The following ROBO2 variants were observed in gnomAD, a reference collection of about 807,000 sequenced individuals.
The protein encoded by ROBO2 is roundabout homolog 2.
Under a neutral mutation model 160.8 loss-of-function variants are expected in ROBO2, and 53 were observed. The observed-to-expected ratio is 0.33, with a 90% CI of 0.26 to 0.41. The LOEUF is 0.41. ROBO2 is among the 10% of genes least tolerant of loss of function. ROBO2 has a pLI of 1.00. For missense variants in ROBO2, 1,577 were observed against 1,722.4 expected (o/e 0.92, Z 1.49); for synonymous variants, 664 against 611.7 (o/e 1.09, Z -1.26).
intron 2 of ROBO2, among the ~76,000 whole-genome samples, chr3:76,596,538 T>C (rs1311963579): frequency 6.6e-6 from 1 of 152,088 alleles, no homozygotes; most frequent in African/African-American, 2.4e-5. Context: ...GAGCCCTAGT[T>C]CCCTCATTTG....
At chr3:76,403,331 G>C (rs1317104879) in intron 2 of ROBO2, among the ~76,000 whole-genome samples, 1 of 151,588 alleles carries the variant, frequency 6.6e-6, no homozygotes, top group Non-Finnish European at 1.5e-5. Context: ...GTATTTTACA[G>C]ATATCTGTCA....
chr3:76,739,884 C>T (rs1390764146), intron 2 of ROBO2, among the ~76,000 whole-genome samples: 9 of 152,114 alleles, frequency 5.9e-5, no homozygotes, highest in Non-Finnish European at 1.3e-4. Flanking sequence ...GAATAATACA[C>T]TTTATGTAGA....
chr3:76,408,885 T>G (rs1342543712), intron 2 of ROBO2, among the ~76,000 whole-genome samples: 1 of 152,026 alleles, frequency 6.6e-6, no homozygotes, highest in Non-Finnish European at 1.5e-5. Context: ...CCTCTTCCCC[T>G]TGCCCACTGA....
chr3:76,436,197 T>C (rs1023048557), intron 2 of ROBO2, among the ~76,000 whole-genome samples: 5 of 48,424 alleles, frequency 1.0e-4, no homozygotes, highest in Admixed American at 2.2e-4. Context: ...CTTTTTCTTT[T>C]TTTTTATTTT....
At chr3:76,685,803 A>G (rs2092673362) in intron 2 of ROBO2, among the ~76,000 whole-genome samples, 1 of 152,176 alleles carries the variant, frequency 6.6e-6, no homozygotes, top group Non-Finnish European at 1.5e-5. Flanking sequence ...ATGAATATTA[A>G]TGTGCATCGA....
At chr3:76,089,975 G>A (rs1032218343) in intron 2 of ROBO2, among the ~76,000 whole-genome samples, 2 of 152,004 alleles carry the variant, frequency 1.3e-5, no homozygotes, top group African/African-American at 2.4e-5. Flanking sequence ...TTATAGAAAG[G>A]TATCAGAATA....
intron 2 of ROBO2, among the ~76,000 whole-genome samples, chr3:76,939,782 T>TA (rs1245485280): frequency 1.3e-5 from 2 of 151,948 alleles, no homozygotes; most frequent in African/African-American, 2.4e-5. Context: ...AGATTCTATC[T>TA]AAAAAAATAA....
intron 2 of ROBO2, among the ~76,000 whole-genome samples, chr3:76,913,318 G>T (rs575486121): frequency 6.6e-6 from 1 of 152,048 alleles, no homozygotes; most frequent in East Asian, 1.9e-4. Flanking sequence ...AGGGAGTCAC[G>T]CTCTCCCTAC....
At chr3:76,249,189 T>C (rs970250774) in intron 2 of ROBO2, among the ~76,000 whole-genome samples, 3 of 152,092 alleles carry the variant, frequency 2.0e-5, no homozygotes, top group Admixed American at 6.6e-5. Flanking sequence ...AAAGCAAAGC[T>C]AAATGAGTTA....
chr3:76,798,961 A>G (rs1385724077), intron 2 of ROBO2, among the ~76,000 whole-genome samples: 1 of 151,940 alleles, frequency 6.6e-6, no homozygotes, highest in East Asian at 1.9e-4. Context: ...AATAAAAACC[A>G]TATACAACTT....
At chr3:76,193,730 C>T (rs762533707) in intron 2 of ROBO2, among the ~76,000 whole-genome samples, 3 of 152,160 alleles carry the variant, frequency 2.0e-5, no homozygotes, top group Non-Finnish European at 2.9e-5. Context: ...TGGGAAATAT[C>T]TTCCTAGAAA....
rs554354613 is a variant in ROBO2 at position 77,139,897 on chromosome 3, C to G, written c.388+41557C>G. ...TCCTGACAACCCCACATGTCAGAGCCTAAGTTATAGATGACATGCTTGTCA... is the reference window on the plus strand; with the variant it reads ...TCCTGACAACCCCACATGTCAGAGCGTAAGTTATAGATGACATGCTTGTCA... On this transcript the variant is annotated intron_variant, in intron 2 of 25. Transcript: ENST00000461745. 2.1e-4 allele frequency among the ~76,000 whole-genome samples: 32 copies of G among 152,266 alleles called. 1 individual carries two copies. Among genetic ancestry groups the G allele is most frequent in the Admixed American group, 2.1e-3 (32 of 15,298 alleles).
chr3:77,452,505 C>A (rs1387047946), intron 2 of ROBO2, among the ~76,000 whole-genome samples: 3 of 152,146 alleles, frequency 2.0e-5, no homozygotes, highest in Non-Finnish European at 4.4e-5. Context: ...CCAGGTACCC[C>A]TTTGCTATCA....
intron 2 of ROBO2, among the ~76,000 whole-genome samples, chr3:76,017,200 T>C (rs565085796): frequency 6.6e-6 from 1 of 152,248 alleles, no homozygotes; most frequent in African/African-American, 2.4e-5. Context: ...TTGACAAATG[T>C]CACTTTATTA....
intron 2 of ROBO2, among the ~76,000 whole-genome samples, chr3:76,319,957 G>T (rs2072378512): frequency 1.3e-5 from 2 of 151,950 alleles, no homozygotes; most frequent in South Asian, 4.1e-4. Context: ...AGGGGGGAAG[G>T]CATCTGTATT....
intron 21 of ROBO2, 55 bp from the exon 23 acceptor site, chr3:77,617,458 A>G (rs2094805659): frequency 6.3e-7 from 1 of 1,595,292 alleles, no homozygotes; most frequent in Non-Finnish European, 8.6e-7. Flanking sequence ...AATTGTGTGC[A>G]TGTATGTGTA....
At position 75,931,643 on chromosome 3, in the gene ROBO2, C is replaced by T. The variant is rs113861531; in HGVS notation, c.-13-5838C>T. Among the ~76,000 whole-genome samples the T allele has an allele frequency of 4.9e-3, 739 of 152,242 alleles. 7 individuals are homozygous for T. The highest frequency in any genetic ancestry group is 0.015 in the African/African-American group (640 of 41,544). ...CTGGGATTACAGGCATAAGCCACCACGCCCGGCCCAAATTAATATATCTAT... is the reference window on the plus strand; with the variant it reads ...CTGGGATTACAGGCATAAGCCACCATGCCCGGCCCAAATTAATATATCTAT... On this transcript the variant is annotated intron_variant, in intron 1 of 26. Transcript: ENST00000487694.
At chr3:76,341,307 A>G (rs189466672) in intron 2 of ROBO2, among the ~76,000 whole-genome samples, 37 of 151,780 alleles carry the variant, frequency 2.4e-4, no homozygotes, top group African/African-American at 8.9e-4. Context: ...CTGCAGTGAT[A>G]CAGGTTCCTT....
intron 1 of ROBO2, among the ~76,000 whole-genome samples, chr3:77,070,220 C>T (rs561310116): frequency 1.3e-5 from 2 of 152,236 alleles, no homozygotes; most frequent in African/African-American, 4.8e-5. Context: ...GACTTCGTAG[C>T]CTCCAGAAGT....
Sources: allele counts gnomAD v4.1 joint callset (sites outside exome capture counted in the v4.1 genomes callset), GRCh38; gene constraint gnomAD v4.1.1; transcripts MANE v1.5; gene names NCBI Gene and HGNC (gene_info 2026-07-23, HGNC 2026-07-21).